The following GAK variants were observed in gnomAD, a reference collection of about 807,000 sequenced individuals.
GAK encodes the protein cyclin G associated kinase.
In GAK, 79 loss-of-function variants were observed where a neutral mutation model predicts 143.9. The ratio of observed to expected loss-of-function variants is 0.55; its 90% CI spans 0.46 to 0.66. GAK has a LOEUF of 0.66. GAK is among the 30% of genes least tolerant of loss of function. GAK has a pLI of 0.00. For missense variants in GAK, 1,693 were observed against 1,779.7 expected (o/e 0.95, Z 0.88); for synonymous variants, 881 against 765.5 (o/e 1.15, Z -2.49).
At chr4:877,397 T>G (rs1312795716) in intron 16 of GAK, among the ~76,000 whole-genome samples, 190 bp from the exon 17 acceptor site, 1 of 152,092 alleles carries the variant, frequency 6.6e-6, no homozygotes, top group Non-Finnish European at 1.5e-5. Context: ...GACCTCCTGC[T>G]GCTGACCAGG....
At chr4:876,710 T>C (rs1713968078) in intron 17 of GAK, 101 bp from the exon 18 acceptor site, 4 of 1,041,606 alleles carry the variant, frequency 3.8e-6, no homozygotes, top group African/African-American at 1.6e-5. Context: ...GAGCGGCTCA[T>C]GGTGCTGGAG....
At chr4:907,803 C>A (rs923072782) in intron 4 of GAK, among the ~76,000 whole-genome samples, 25 of 152,358 alleles carry the variant, frequency 1.6e-4, no homozygotes, top group African/African-American at 6.0e-4. Context: ...CTGTGCCATC[C>A]ACAGAGCCCT....
At chr4:923,500 C>T (rs545307968) in intron 1 of GAK, among the ~76,000 whole-genome samples, 1 of 152,124 alleles carries the variant, frequency 6.6e-6, no homozygotes, top group East Asian at 1.9e-4. Context: ...AACAAGACTC[C>T]ATCTCTACCA....
At chr4:901,147 G>C (rs766358488) in intron 5 of GAK, among the ~76,000 whole-genome samples, 3 of 152,260 alleles carry the variant, frequency 2.0e-5, no homozygotes, top group Non-Finnish European at 4.4e-5. Flanking sequence ...AACACAGAGG[G>C]AAGCTGCCTG....
At chr4:865,266 A>G in intron 22 of GAK, 22 bp from the exon 23 acceptor site, 1 of 1,612,556 alleles carries the variant, frequency 6.2e-7, no homozygotes, top group Non-Finnish European at 8.5e-7. Flanking sequence ...GAACCAGAAG[A>G]GAGCACAGTT....
At chr4:911,916 G>A (rs1348794998) in intron 3 of GAK, 129 bp from the exon 4 acceptor site, 26 of 701,814 alleles carry the variant, frequency 3.7e-5, no homozygotes, top group Admixed American at 6.8e-5. Flanking sequence ...AATTTTAGAC[G>A]TCAGAGCGGA....
chr4:924,055 C>T (rs1020364489), intron 1 of GAK, among the ~76,000 whole-genome samples: 1 of 151,554 alleles, frequency 6.6e-6, no homozygotes, highest in Non-Finnish European at 1.5e-5. Flanking sequence ...CATGGTGGTG[C>T]ATGCCTTTAA....
intron 1 of GAK, among the ~76,000 whole-genome samples, chr4:921,111 T>C (rs1723857817): frequency 7.8e-6 from 1 of 128,696 alleles, no homozygotes. Flanking sequence ...CTTCTTTTTC[T>C]TTTTTTTTTG....
At chr4:871,119 G>A (rs555571845) in intron 18 of GAK, among the ~76,000 whole-genome samples, 4 of 152,376 alleles carry the variant, frequency 2.6e-5, no homozygotes, top group South Asian at 2.1e-4. Flanking sequence ...CAGCACCCCC[G>A]GTCACGGCCC....
At chr4:854,459 C>A (rs2152690408) in intron 24 of GAK, among the ~76,000 whole-genome samples, 1 of 152,296 alleles carries the variant, frequency 6.6e-6, no homozygotes, top group East Asian at 1.9e-4. Flanking sequence ...ACGAACTCTG[C>A]CCAGCCCCAG....
At chr4:884,632 C>T (rs1715892426) in intron 11 of GAK, among the ~76,000 whole-genome samples, 1 of 152,264 alleles carries the variant, frequency 6.6e-6, no homozygotes, top group Non-Finnish European at 1.5e-5. Flanking sequence ...GCCCCCAACA[C>T]TGGGTCCACG....
chr4:882,088 C>A, intron 14 of GAK, 48 bp from the exon 15 acceptor site: 1 of 1,546,832 alleles, frequency 6.5e-7, no homozygotes. Context: ...TCATGCAGGA[C>A]AAGGGCTCGC....
In GAK at chr4:932,080, G is replaced by A. The variant is rs1725972707; in HGVS notation, c.108C>T (p.Gly36=). The part of the protein sequence containing the change: ...SDFVGQTVEL[G]ELRLRVRRVL... Reference sequence around the variant, plus strand: ...CCCGCCGCACCCGCAGCCGCAGCTCGCCCAGTTCCACCGTCTGCCCCACGA... The same window carrying A: ...CCCGCCGCACCCGCAGCCGCAGCTCACCCAGTTCCACCGTCTGCCCCACGA... The change falls in exon 1 of 28, where the codon GGC becomes GGT. Residue 36 remains glycine (G), a synonymous_variant. Transcript: ENST00000314167. The surrounding 1 kb of genome is among the most constrained non-coding windows in gnomAD (Gnocchi z 4.0). The A allele has an allele frequency of 6.2e-7, 1 of 1,603,126 alleles. No individual in the cohort carries two copies. The highest frequency in any genetic ancestry group is 1.1e-5 in the South Asian group (1 of 89,926).
At chr4:931,317 C>T (rs1357983462) in intron 1 of GAK, among the ~76,000 whole-genome samples, 1 of 152,142 alleles carries the variant, frequency 6.6e-6, no homozygotes, top group African/African-American at 2.4e-5. Context: ...TCCTGTACTA[C>T]ACACGGAATC....
At chr4:900,219 G>A (rs1184075982) in intron 5 of GAK, among the ~76,000 whole-genome samples, 1 of 151,886 alleles carries the variant, frequency 6.6e-6, no homozygotes, top group Non-Finnish European at 1.5e-5. Context: ...ACCTGTGCCC[G>A]TTCCCATTCT....
At chr4:867,596 G>A (rs1243770632) in intron 20 of GAK, among the ~76,000 whole-genome samples, 164 bp from the exon 21 acceptor site, 2 of 150,106 alleles carry the variant, frequency 1.3e-5, no homozygotes, top group African/African-American at 4.9e-5. Context: ...CCTCGGCCCA[G>A]GGCCTTGGTG....
At chr4:911,842 A>C in intron 3 of GAK, 55 bp from the exon 4 acceptor site, 3 of 1,314,880 alleles carry the variant, frequency 2.3e-6, no homozygotes, top group Non-Finnish European at 3.3e-6. Flanking sequence ...AGTTCTGTGC[A>C]CTTCAAAATA....
Position 877,886 on chromosome 4 carries a change from GA to G in GAK, c.1662-78del, listed in dbSNP as rs1714298799. Reference sequence around the variant, plus strand: ...CACAGCTGATTTTGTCTTTCGAATAGAAGTTTTTCATGCTAGAAATTTCCCT... The same window carrying G: ...CACAGCTGATTTTGTCTTTCGAATAGAGTTTTTCATGCTAGAAATTTCCCT... On this transcript the variant is annotated intron_variant, in intron 15 of 27. Transcript: ENST00000314167. 12 of 1,353,694 alleles carry G rather than the reference GA, an allele frequency of 8.9e-6. No homozygotes were observed. The Admixed American group carries it at 1.1e-4, about 13-fold the overall frequency. 83.9% of individuals were successfully genotyped at this position (1,353,694 alleles called of 1,614,324 possible).
intron 11 of GAK, chr4:888,092 A>G (rs555338066): frequency 2.0e-5 from 3 of 152,304 alleles, no homozygotes; most frequent in African/African-American, 2.4e-5. Flanking sequence ...AAACATAAGA[A>G]AAAGCCCGAA....
Sources: allele counts gnomAD v4.1 joint callset (sites outside exome capture counted in the v4.1 genomes callset), GRCh38; gene constraint gnomAD v4.1.1; non-coding constraint Gnocchi (gnomAD v3.1); transcripts MANE v1.5; gene names NCBI Gene and HGNC (gene_info 2026-07-23, HGNC 2026-07-21).